Variants in CACNA1C observed in about 807,000 individuals in gnomAD.
CACNA1C encodes the protein calcium voltage-gated channel subunit alpha1 C, also known as voltage-dependent L-type calcium channel subunit alpha-1C.
In CACNA1C, 30 loss-of-function variants were observed where a neutral mutation model predicts 229.0. The observed-to-expected ratio is 0.13, with a 90% CI of 0.10 to 0.18. CACNA1C has a LOEUF of 0.18. CACNA1C is among the 10% of genes least tolerant of loss of function. CACNA1C has a pLI of 1.00. For synonymous variants in CACNA1C, 1,114 were observed against 1,132.5 expected (o/e 0.98, Z 0.33); for missense variants, 1,658 against 2,845.0 (o/e 0.58, Z 9.49).
At chr12:2,394,614 C>T (rs2098540832) in intron 3 of CACNA1C, among the ~76,000 whole-genome samples, 1 of 152,160 alleles carries the variant, frequency 6.6e-6, no homozygotes, top group African/African-American at 2.4e-5. Flanking sequence ...GGAAGGCCTC[C>T]TCTCTGGGCC....
rs1480940929 is a variant in CACNA1C, at chr12:2,275,265, A to C, written c.477+154835A>C. ...AACGTGATCTTTCTTTCCTTTGCCC[A>C]ATACATGTCAGGCTCTGTGTGGCAA... On this transcript the variant is annotated intron_variant, in intron 3 of 46. Coordinates refer to ENST00000399655, the MANE Select transcript of CACNA1C (RefSeq NM_000719.7). This position sits in a 1 kb window ranked among gnomAD's most constrained non-coding sequence, Gnocchi z 4.1. Among the ~76,000 whole-genome samples the C allele has an allele frequency of 1.3e-5, 2 of 152,192 alleles. No individual in the cohort carries two copies. Among genetic ancestry groups the C allele is most frequent in the Non-Finnish European group, 2.9e-5 (2 of 68,044 alleles).
intron 34 of CACNA1C, among the ~76,000 whole-genome samples, chr12:2,661,720 C>A (rs971494210): frequency 6.6e-6 from 1 of 152,128 alleles, no homozygotes; most frequent in Non-Finnish European, 1.5e-5. Flanking sequence ...AATATGTACA[C>A]ATAATTGTCA....
intron 7 of CACNA1C, among the ~76,000 whole-genome samples, chr12:2,497,117 A>G (rs16929486): frequency 0.052 from 7,888 of 152,152 alleles, 501 homozygotes; most frequent in East Asian, 0.34. Flanking sequence ...CTTGTCTCCC[A>G]TGGTCTACGC....
chr12:2,279,709 A>G (rs1045265484), intron 3 of CACNA1C, among the ~76,000 whole-genome samples: 3 of 152,254 alleles, frequency 2.0e-5, no homozygotes, highest in African/African-American at 7.2e-5. Flanking sequence ...GCAAATTGAA[A>G]ATATTGGAAA....
At chr12:2,423,497 C>T (rs780984584) in intron 3 of CACNA1C, among the ~76,000 whole-genome samples, 2 of 152,012 alleles carry the variant, frequency 1.3e-5, no homozygotes, top group African/African-American at 2.4e-5. Context: ...AATGATGTTT[C>T]GAGGATTAAA....
At chr12:2,316,603 T>C (rs902388101) in intron 3 of CACNA1C, among the ~76,000 whole-genome samples, 2 of 152,240 alleles carry the variant, frequency 1.3e-5, no homozygotes, top group Non-Finnish European at 2.9e-5. Flanking sequence ...GTCTCATGAA[T>C]AGGTGGAATA....
intron 3 of CACNA1C, among the ~76,000 whole-genome samples, chr12:2,304,246 C>T (rs78403861): frequency 4.0e-4 from 61 of 152,136 alleles, no homozygotes; most frequent in Middle Eastern, 6.8e-3. Context: ...GTGTGTGAGG[C>T]GAGGTGGAGG....
intron 3 of CACNA1C, among the ~76,000 whole-genome samples, chr12:2,221,268 C>A (rs140975792): frequency 6.6e-6 from 1 of 152,022 alleles, no homozygotes; most frequent in Admixed American, 6.6e-5. Context: ...GGGAGGGTGA[C>A]GTGTCTTTTT....
At chr12:2,296,285 C>T (rs889626443) in intron 3 of CACNA1C, among the ~76,000 whole-genome samples, 10 of 152,216 alleles carry the variant, frequency 6.6e-5, no homozygotes, top group Non-Finnish European at 1.3e-4. Flanking sequence ...ACCCTAGTGG[C>T]AGGGGAACCT....
In CACNA1C at chr12:2,604,892, G is replaced by C. The variant is rs146466976; in HGVS notation, c.2961-189G>C. On this transcript the variant is annotated intron_variant, in intron 22 of 46. Transcript: ENST00000399655. ...AGGAAAGCCCCAGGGTTACAGGCAA[G>C]CTCCAGGCTCTCACGGGATGGGAGA... is the stretch of plus-strand genomic sequence containing the variant. Among the ~76,000 whole-genome samples, 24 of 152,332 alleles carry C rather than the reference G, an allele frequency of 1.6e-4. 3 individuals are homozygous for C. The Middle Eastern group carries it at 0.017, about 108-fold the overall frequency.
At chr12:2,515,118 T>C (rs1176424221) in intron 9 of CACNA1C, among the ~76,000 whole-genome samples, 1 of 152,040 alleles carries the variant, frequency 6.6e-6, no homozygotes, top group Non-Finnish European at 1.5e-5. Context: ...AGGACTGGAG[T>C]GGGAGCCTGG....
chr12:2,093,468 AG>A (rs1242465354), intron 1 of CACNA1C, among the ~76,000 whole-genome samples: 1 of 152,242 alleles, frequency 6.6e-6, no homozygotes, highest in African/African-American at 2.4e-5. Context: ...GCAGTGACCA[AG>A]GCCATGAGCT....
chr12:2,378,017 G>T (rs1011975925), intron 3 of CACNA1C, among the ~76,000 whole-genome samples: 4 of 152,158 alleles, frequency 2.6e-5, no homozygotes, highest in African/African-American at 9.7e-5. Flanking sequence ...CTAGAAGAGG[G>T]TTGGGGTGAG....
At chr12:2,565,405 T>C (rs1332145615) in intron 11 of CACNA1C, among the ~76,000 whole-genome samples, 8 of 149,134 alleles carry the variant, frequency 5.4e-5, no homozygotes, top group Admixed American at 4.7e-4. Context: ...AAGCGGAGCT[T>C]GCAGTGAGCC....
intron 13 of CACNA1C, among the ~76,000 whole-genome samples, chr12:2,579,809 C>A (rs2059870497): frequency 1.3e-5 from 2 of 152,126 alleles, no homozygotes; most frequent in Admixed American, 1.3e-4. Flanking sequence ...AAACTCCTGG[C>A]CTCAAGCAGT....
At position 2,340,882 on chromosome 12, in the gene CACNA1C, G is replaced by C. The variant is rs1257084549; in HGVS notation, c.478-108094G>C. The stretch of plus-strand genomic sequence containing the variant: ...TGAGGCAGGAGAATGGCGTGAAGCT[G>C]GGAGGCAGAGCTTGCAGTGAGCCGA... On this transcript the variant is annotated intron_variant, in intron 3 of 46. Coordinates refer to ENST00000399655, the MANE Select transcript of CACNA1C (RefSeq NM_000719.7). 4.6e-5 allele frequency among the ~76,000 whole-genome samples: 7 copies of C among 152,156 alleles called. No individual in the cohort carries two copies. The South Asian group carries it at 6.2e-4, about 14-fold the overall frequency.
chr12:2,014,555 A>G (rs987977310), intron 1 of CACNA1C, among the ~76,000 whole-genome samples: 4 of 152,172 alleles, frequency 2.6e-5, no homozygotes, highest in Non-Finnish European at 5.9e-5. Flanking sequence ...CACGGGGAAA[A>G]TGGACACATA....
At chr12:2,459,683 A>G (rs1798707271) in intron 5 of CACNA1C, among the ~76,000 whole-genome samples, 2 of 152,198 alleles carry the variant, frequency 1.3e-5, no homozygotes, top group South Asian at 2.1e-4. Context: ...CCAGAACTCA[A>G]TAGCCAAAAT....
chr12:2,161,329 G>A (rs2095844092), intron 3 of CACNA1C, among the ~76,000 whole-genome samples: 1 of 152,210 alleles, frequency 6.6e-6, no homozygotes, highest in African/African-American at 2.4e-5. Context: ...TATTCCTGGG[G>A]TTTGTTGGCA....
Sources: allele counts gnomAD v4.1 joint callset (sites outside exome capture counted in the v4.1 genomes callset), GRCh38; gene constraint gnomAD v4.1.1; non-coding constraint Gnocchi (gnomAD v3.1); transcripts MANE v1.5; gene names NCBI Gene and HGNC (gene_info 2026-07-23, HGNC 2026-07-21).